PCDHA7: variants seen among roughly 807,000 people sequenced by gnomAD.
PCDHA7 encodes the protein protocadherin alpha 7.
Under a neutral mutation model 57.2 loss-of-function variants are expected in PCDHA7, and 37 were observed. The observed-to-expected ratio is 0.65, with a 90% CI of 0.50 to 0.85. The LOEUF is 0.85. Ranked by LOEUF, PCDHA7 falls within the 40% of genes least tolerant of loss-of-function variation. PCDHA7 has a pLI of 0.00. For missense variants in PCDHA7, 1,188 were observed against 1,241.8 expected (o/e 0.96, Z 0.65); for synonymous variants, 553 against 558.8 (o/e 0.99, Z 0.15).
intron 1 of PCDHA7, among the ~76,000 whole-genome samples, chr5:140,874,942 C>T (rs2055181968): frequency 6.6e-6 from 1 of 152,060 alleles, no homozygotes; most frequent in African/African-American, 2.4e-5. Context: ...ATTGAAACAG[C>T]GGAATTGTAA....
At chr5:140,914,290 T>A (rs1412561039) in intron 1 of PCDHA7, among the ~76,000 whole-genome samples, 1 of 152,200 alleles carries the variant, frequency 6.6e-6, no homozygotes, top group Non-Finnish European at 1.5e-5. Context: ...AATTGTTATA[T>A]CCTCTTGCTG....
chr5:140,959,141 C>G (rs936183508), intron 1 of PCDHA7, among the ~76,000 whole-genome samples: 1 of 151,924 alleles, frequency 6.6e-6, no homozygotes, highest in Admixed American at 6.6e-5. Context: ...CTTTGGGAGG[C>G]CAAAGTGGGC....
chr5:140,993,462 T>TCACACACACACACA (rs3836747), intron 3 of PCDHA7, among the ~76,000 whole-genome samples: 3 of 140,938 alleles, frequency 2.1e-5, no homozygotes, highest in African/African-American at 5.3e-5. Flanking sequence ...TCTTTCTTTC[T>TCACACACACACACA]CACACACACA....
At chr5:140,927,395 A>G (rs782188555) in intron 1 of PCDHA7, 3 of 1,614,194 alleles carry the variant, frequency 1.9e-6, no homozygotes, top group South Asian at 2.2e-5. Context: ...CCCAGTCAGC[A>G]CTTTCGCCTG....
At chr5:140,842,599 C>T (rs1460884024) in intron 1 of PCDHA7, 3 of 1,595,874 alleles carry the variant, frequency 1.9e-6, no homozygotes, top group African/African-American at 1.3e-5. Flanking sequence ...TGGTGGTAAC[C>T]GCGCGGGACG....
intron 1 of PCDHA7, among the ~76,000 whole-genome samples, chr5:140,932,571 A>G (rs1308740705): frequency 1.3e-5 from 2 of 151,926 alleles, no homozygotes; most frequent in African/African-American, 4.8e-5. Context: ...AGACTTTCCC[A>G]TAGGGTAATT....
chr5:140,974,751 G>A (rs530548991), intron 1 of PCDHA7, among the ~76,000 whole-genome samples: 11 of 152,284 alleles, frequency 7.2e-5, no homozygotes, highest in African/African-American at 2.4e-4. Flanking sequence ...GCCTCCCAAA[G>A]TGCTGGGATT....
chr5:141,010,446 C>T lies in PCDHA7; in HGVS notation c.*509C>T. The T allele has an allele frequency of 1.1e-6, 1 of 944,708 alleles. No homozygotes were observed. The highest frequency in any genetic ancestry group is 1.5e-6 in the Non-Finnish European group (1 of 656,274). 58.5% of individuals were successfully genotyped at this position (944,708 alleles called of 1,614,324 possible). ...AGGCAAGAAAACAAAGACAAATAAACAGCGGAAGTTATCAGTATGGAGGGG... is the reference window on the plus strand; with the variant it reads ...AGGCAAGAAAACAAAGACAAATAAATAGCGGAAGTTATCAGTATGGAGGGG... On this transcript the variant is annotated 3_prime_UTR_variant, in exon 4 of 4. Coordinates refer to ENST00000525929, the MANE Select transcript of PCDHA7 (RefSeq NM_018910.3).
At chr5:141,002,589 TC>T (rs1157810975) in intron 3 of PCDHA7, among the ~76,000 whole-genome samples, 1 of 152,140 alleles carries the variant, frequency 6.6e-6, no homozygotes, top group African/African-American at 2.4e-5. Context: ...TAGTCCTTAG[TC>T]CCCTCATCTA....
At chr5:140,862,923 C>T in intron 1 of PCDHA7, 1 of 546,076 alleles carries the variant, frequency 1.8e-6, no homozygotes, top group South Asian at 1.4e-5. Flanking sequence ...CTTGGGTGGG[C>T]TGGCGGCGCT....
rs1458261257 is a variant in PCDHA7, at chr5:140,941,194, TCTTTCTTCCTTTCTTTCTTC to T, written c.2356-37747_2356-37728del. Among the ~76,000 whole-genome samples the T allele has an allele frequency of 1.9e-3, 217 of 112,428 alleles. 2 individuals carry two copies. Among genetic ancestry groups the T allele is most frequent in the African/African-American group, 6.9e-3 (195 of 28,326 alleles). 73.8% of individuals were successfully genotyped at this position (112,428 alleles called of 152,430 possible). A position where few individuals can be genotyped will look rare whatever the true frequency, so the allele number is the denominator to read the frequency against. On this transcript the variant is annotated intron_variant, in intron 1 of 3. Coordinates refer to ENST00000525929, the MANE Select transcript of PCDHA7 (RefSeq NM_018910.3). ...CTTGAACATCCTGCTTCTTTTTTTT[TCTTTCTTCCTTTCTTTCTTC>T]CTTTCTTTCTTTCTTTCTTTCTTTC...
rs2150217412 is a variant in PCDHA7, at chr5:140,834,416, C to T, written c.33C>T (p.Gly11=). 4.3e-6 allele frequency: 7 copies of T among 1,611,040 alleles called. No individual in the cohort carries two copies. In the East Asian group the frequency reaches 1.1e-4, roughly 26 times the overall value. The stretch of plus-strand genomic sequence containing the variant: ...GCCCGAATGGATACGACCCAGGGGG[C>T]CGACATCTACTGCTGTTTATTATAA... MVCPNGYDPG[G]RHLLLFIIIL... The change falls in exon 1 of 4, where the codon GGC becomes GGT. Residue 11 remains glycine, a synonymous_variant. Transcript: ENST00000525929.
intron 3 of PCDHA7, among the ~76,000 whole-genome samples, chr5:140,993,375 C>T (rs1238667698): frequency 1.3e-5 from 2 of 151,770 alleles, no homozygotes; most frequent in Non-Finnish European, 2.9e-5. Flanking sequence ...ACCTCCCAGC[C>T]GGGTCCCTGA....
intron 1 of PCDHA7, among the ~76,000 whole-genome samples, chr5:140,846,373 C>CTTTTTTTTTTTTTTTTT (rs374699051): frequency 1.8e-5 from 1 of 55,150 alleles, no homozygotes. Flanking sequence ...TTCTTTCTTT[C>CTTTTTTTTTTTTTTTTT]TTTTTTTTTT....
chr5:140,869,928 A>T, intron 1 of PCDHA7: 1 of 1,611,724 alleles, frequency 6.2e-7, no homozygotes, highest in Non-Finnish European at 8.5e-7. Flanking sequence ...GAGTCAATGG[A>T]GAGGTAACAT....
chr5:140,941,224 T>TTTCTTTCTTTCTTTCTTTCTTTCC (rs2092912857), intron 1 of PCDHA7, among the ~76,000 whole-genome samples: 1 of 137,372 alleles, frequency 7.3e-6, no homozygotes, highest in Non-Finnish European at 1.6e-5. Context: ...CCTTTCTTTC[T>TTTCTTTCTTTCTTTCTTTCTTTCC]TTCTTTCTTT....
intron 1 of PCDHA7, among the ~76,000 whole-genome samples, chr5:140,944,577 C>G (rs2093670906): frequency 6.6e-6 from 1 of 152,270 alleles, no homozygotes; most frequent in Admixed American, 6.5e-5. Flanking sequence ...CTGTAGAGAT[C>G]ACTTCAGAAT....
intron 1 of PCDHA7, chr5:140,854,176 A>AAT: frequency 1.5e-6 from 1 of 663,712 alleles, no homozygotes; most frequent in Non-Finnish European, 1.9e-6. Flanking sequence ...AAAAAAAAAA[A>AAT]GAGTAGTTTA....
rs1554134397 is a variant in PCDHA7 at position 140,834,648 on chromosome 5, C to T, written c.265C>T (p.Arg89Trp). Residue 89 changes from arginine (R) to tryptophan (W), a missense_variant, in exon 1 of 4, where the codon CGG becomes TGG. Arg to Trp is a moderately radical substitution (Grantham distance 101, BLOSUM62 -3). Transcript: ENST00000525929. ...LQNGILFVNS[R>W]IDREELCGRS... ...GAATGGCATTTTGTTTGTGAATTCT[C>T]GGATCGACCGCGAGGAGCTGTGCGG... 3 of 1,614,200 alleles carry T rather than the reference C, an allele frequency of 1.9e-6. No homozygotes were observed. The highest frequency in any genetic ancestry group is 1.7e-5 in the Admixed American group (1 of 60,022).
Sources: gnomAD v4.1 joint callset for allele counts (sites outside exome capture counted in the v4.1 genomes callset) on GRCh38, gnomAD v4.1.1 for gene constraint, MANE v1.5 for transcripts, NCBI Gene and HGNC (gene_info 2026-07-23, HGNC 2026-07-21) for gene names.